The following CPLANE1 variants were observed in gnomAD, a reference collection of about 807,000 sequenced individuals.
CPLANE1 encodes the protein ciliogenesis and planar polarity effector 1.
CPLANE1 carries 263 observed loss-of-function variants against 362.5 expected under a neutral mutation model. The observed-to-expected ratio is 0.73, with a 90% CI of 0.66 to 0.80. CPLANE1 has a LOEUF of 0.80. Among genes scored for constraint, CPLANE1 ranks in the 30% least tolerant of loss-of-function variants. The pLI is 0.00. For missense variants in CPLANE1, 3,461 were observed against 3,793.4 expected (o/e 0.91, Z 2.30); for synonymous variants, 1,212 against 1,302.6 (o/e 0.93, Z 1.50).
chr5:37,204,651 G>A (rs1047313577), intron 18 of CPLANE1, among the ~76,000 whole-genome samples: 1 of 151,562 alleles, frequency 6.6e-6, no homozygotes, highest in Non-Finnish European at 1.5e-5. Flanking sequence ...AGGTATGTAT[G>A]AAGGCTACTC....
intron 38 of CPLANE1, 79 bp from the exon 39 acceptor site, chr5:37,158,424 C>T: frequency 7.4e-7 from 1 of 1,356,682 alleles, no homozygotes; most frequent in Non-Finnish European, 1.0e-6. Context: ...TTTGTATGAA[C>T]AAGTTAGCAA....
At position 37,153,919 on chromosome 5, in the gene CPLANE1, T is replaced by C; in HGVS notation, c.8194A>G (p.Lys2732Glu). The C allele has an allele frequency of 6.2e-7, 1 of 1,614,168 alleles. No individual in the cohort carries two copies. Among genetic ancestry groups the C allele is most frequent in the Non-Finnish European group, 8.5e-7 (1 of 1,180,014 alleles). ...GCTGCAGAGACACCTTGCAGCCGTTTCCACAATAGATAATCTTCTGCAGAG... is the reference window on the plus strand; with the variant it reads ...GCTGCAGAGACACCTTGCAGCCGTTCCCACAATAGATAATCTTCTGCAGAG... ...SDSAEDYLLW[K>E]RLQGVSAACP... Residue 2732 changes from lysine to glutamate, a missense_variant, in exon 42 of 53, where the codon AAA (lysine) becomes GAA (glutamate). Coordinates refer to ENST00000651892, the MANE Select transcript of CPLANE1 (RefSeq NM_001384732.1).
chr5:37,097,483 G>C, the CPLANE1 span, among the ~76,000 whole-genome samples: 1 of 152,110 alleles, frequency 6.6e-6, no homozygotes, highest in Non-Finnish European at 1.5e-5. Context: ...AACTTTCCAA[G>C]TATAGCAAGA....
At chr5:37,176,905 C>G (rs1459259847) in intron 30 of CPLANE1, among the ~76,000 whole-genome samples, 3 of 151,976 alleles carry the variant, frequency 2.0e-5, no homozygotes, top group Non-Finnish European at 2.9e-5. Flanking sequence ...ACTACAAGCG[C>G]CCGCCACCAC....
Position 37,201,911 on chromosome 5 carries a change from A to G in CPLANE1, c.3290-103T>C, listed in dbSNP as rs111531519. 1,022 of 725,448 alleles carry G rather than the reference A, an allele frequency of 1.4e-3. 12 individuals are homozygous for G. In the African/African-American group the frequency reaches 0.016, roughly 12 times the overall value. 44.9% of individuals were successfully genotyped at this position (725,448 alleles called of 1,614,324 possible). On this transcript the variant is annotated intron_variant, in intron 18 of 52. Coordinates refer to ENST00000651892, the MANE Select transcript of CPLANE1 (RefSeq NM_001384732.1). ...AATCTAAAAACATTCATTGTCAAGA[A>G]TGAACACATTGGTTGACATACAAAC...
chr5:37,225,587 C>T (rs531689244), intron 12 of CPLANE1, among the ~76,000 whole-genome samples: 21 of 152,152 alleles, frequency 1.4e-4, no homozygotes, highest in African/African-American at 4.6e-4. Flanking sequence ...CGTGGTGGCT[C>T]ACGCCTATAA....
chr5:37,210,223 A>G (rs1792206852), intron 16 of CPLANE1: 1 of 1,598,092 alleles, frequency 6.3e-7, no homozygotes. Context: ...GCTCAAAGGC[A>G]ACTTTTACTA....
chr5:37,169,071 T>C lies in CPLANE1; in HGVS notation c.6953A>G (p.Asp2318Gly), dbSNP rs991996322. The C allele has an allele frequency of 6.2e-7, 1 of 1,614,108 alleles. No homozygotes were observed. Among genetic ancestry groups the C allele is most frequent in the Non-Finnish European group, 8.5e-7 (1 of 1,180,044 alleles). ...ITEIPNHVNL[D>G]QYVGQENLTP... ...CAAATTTTCTTGTCCAACATATTGATCCAAGTTCACATGATTAGGAATTTC... is the reference window on the plus strand; with the variant it reads ...CAAATTTTCTTGTCCAACATATTGACCCAAGTTCACATGATTAGGAATTTC... Residue 2318 changes from aspartate to glycine, a missense_variant, in exon 34 of 53, where the codon GAT becomes GGT. Physicochemically the swap from Asp to Gly is moderately conservative, Grantham distance 94. This residue lies in a region of CPLANE1 where 3,380 missense variants were observed against 3,666.1 expected (regional missense o/e 0.92). Transcript: ENST00000651892.
chr5:37,197,586 T>C (rs901565383), intron 20 of CPLANE1, among the ~76,000 whole-genome samples: 1 of 152,164 alleles, frequency 6.6e-6, no homozygotes, highest in African/African-American at 2.4e-5. Context: ...TGAACCACCC[T>C]GTGGTGGTTC....
intron 16 of CPLANE1, among the ~76,000 whole-genome samples, chr5:37,208,122 G>T (rs1032829974): frequency 6.6e-6 from 1 of 152,064 alleles, no homozygotes; most frequent in African/African-American, 2.4e-5. Flanking sequence ...GCTAATTTTT[G>T]TATTTTTTGT....
chr5:37,182,996 G>A lies in CPLANE1; in HGVS notation c.5185C>T (p.Pro1729Ser), dbSNP rs1783090688. Residue 1729 changes from proline to serine, a missense_variant, in exon 26 of 53, where the codon CCT becomes TCT. Physicochemically the swap from Pro to Ser is moderately conservative, Grantham distance 74. Transcript: ENST00000651892. The part of the protein sequence containing the change: ...FKAIQCNDIN[P>S]QEDLPLALNT... ...AGTGCTAAAGGAAGATCTTCTTGAGGGTTAATATCATTGCACTGAATAGCT... is the reference window on the plus strand; with the variant it reads ...AGTGCTAAAGGAAGATCTTCTTGAGAGTTAATATCATTGCACTGAATAGCT... 6.2e-7 allele frequency: 1 copy of A among 1,611,640 alleles called. No individual in the cohort carries two copies. Among genetic ancestry groups the A allele is most frequent in the Non-Finnish European group, 8.5e-7 (1 of 1,179,056 alleles).
downstream of CPLANE1, among the ~76,000 whole-genome samples, chr5:37,102,470 G>A (rs554005184): frequency 6.6e-6 from 1 of 152,288 alleles, no homozygotes; most frequent in South Asian, 2.1e-4. Context: ...TCACAGGCAT[G>A]AGCCACCATG....
In CPLANE1 at chr5:37,167,204, T is replaced by C. The variant is rs1413031662; in HGVS notation, c.7243A>G (p.Thr2415Ala). ...HLSPENRCKKTQLIPLENLIA... is the reference protein window; with the variant it reads ...HLSPENRCKKAQLIPLENLIA... ...AGGTTTTCAAGTGGGATAAGTTGTG[T>C]TTTTTTGCACTACAAGAAAGAAACA... is the stretch of plus-strand genomic sequence containing the variant. The change falls in exon 35 of 53, where the codon ACA becomes GCA. Residue 2415 changes from threonine (T) to alanine (A), a missense_variant. Thr to Ala is a moderately conservative substitution (Grantham distance 58). Transcript: ENST00000651892. The C allele has an allele frequency of 1.2e-6, 2 of 1,606,766 alleles. No individual in the cohort carries two copies. The highest frequency in any genetic ancestry group is 4.5e-5 in the East Asian group (2 of 44,740).
chr5:37,177,186 G>A (rs766201468), intron 30 of CPLANE1, among the ~76,000 whole-genome samples: 9 of 152,126 alleles, frequency 5.9e-5, no homozygotes, highest in South Asian at 2.1e-4. Flanking sequence ...TAAGCTAGCC[G>A]GCAGTGTATG....
intron 7 of CPLANE1, 68 bp downstream of exon 7, chr5:37,239,645 G>T: frequency 1.7e-4 from 142 of 848,462 alleles, no homozygotes; most frequent in South Asian, 2.5e-4. Flanking sequence ...TTTAGAAAAA[G>T]AAAAATCTCA....
At chr5:37,207,352 A>G (rs1428090686) in intron 16 of CPLANE1, among the ~76,000 whole-genome samples, 1 of 152,222 alleles carries the variant, frequency 6.6e-6, no homozygotes, top group African/African-American at 2.4e-5. Flanking sequence ...GAAAAACAAA[A>G]AGTTTTCAAC....
chr5:37,156,574 C>A (rs1775171174), intron 41 of CPLANE1, among the ~76,000 whole-genome samples: 1 of 152,100 alleles, frequency 6.6e-6, no homozygotes, highest in Non-Finnish European at 1.5e-5. Context: ...CACTGTACCC[C>A]AGCCTGAACA....
Position 37,187,772 on chromosome 5 carries a change from C to A in CPLANE1, c.3882G>T (p.Arg1294Ser). ...HVRDKLSYSC[R>S]QYQKARENVK... ...CATTTTCTCTTGCTTTCTGATATTG[C>A]CTGCAACTATAGGATAACTTATCAC... The change falls in exon 22 of 53, where the codon AGG (arginine) becomes AGT (serine). Residue 1294 changes from arginine to serine, a missense_variant. By Grantham distance (110) the Arg-to-Ser change is moderately radical (BLOSUM62 -1). This residue lies in a region of CPLANE1 where 3,380 missense variants were observed against 3,666.1 expected (regional missense o/e 0.92). Transcript: ENST00000651892. 6.2e-7 allele frequency: 1 copy of A among 1,613,778 alleles called. No homozygotes were observed. The highest frequency in any genetic ancestry group is 8.5e-7 in the Non-Finnish European group (1 of 1,179,854).
At chr5:37,188,153 T>C (rs956976540) in intron 21 of CPLANE1, among the ~76,000 whole-genome samples, 1 of 152,214 alleles carries the variant, frequency 6.6e-6, no homozygotes, top group African/African-American at 2.4e-5. Flanking sequence ...ATACTATGTA[T>C]GCTGCTTTGC....
Sources: allele counts gnomAD v4.1 joint callset (sites outside exome capture counted in the v4.1 genomes callset), GRCh38; gene constraint gnomAD v4.1.1; regional missense constraint gnomAD v4.1.1; transcripts MANE v1.5; gene names NCBI Gene and HGNC (gene_info 2026-07-23, HGNC 2026-07-21).